ZNF169: variants seen among roughly 807,000 people sequenced by gnomAD.
ZNF169 encodes the protein zinc finger protein 169.
ZNF169 carries 11 observed loss-of-function variants against 12.0 expected under a neutral mutation model. The ratio of observed to expected loss-of-function variants is 0.92; its 90% confidence interval spans 0.58 to 1.52. The LOEUF is 1.52. Among genes scored for constraint, ZNF169 ranks in the 40% most tolerant of loss-of-function variants. The probability of loss-of-function intolerance (pLI) is 0.00; values close to 1 mark genes in which losing one functional copy is unlikely to be tolerated. For synonymous variants in ZNF169, 302 were observed against 286.5 expected, an observed-to-expected ratio of 1.05 and a Z score of -0.55; for missense variants, 722 against 744.0, an observed-to-expected ratio of 0.97 and a Z score of 0.34.
At chr9:94,266,678 G>A (rs548367418) in intron 1 of ZNF169, among the ~76,000 whole-genome samples, 17 of 152,268 alleles carry the variant, frequency 1.1e-4, no homozygotes, top group African/African-American at 3.6e-4. Context: ...TTGGAGACCT[G>A]TAGACAGAAA....
At chr9:94,288,895 AAAG>A (rs1830772222) in intron 2 of ZNF169, among the ~76,000 whole-genome samples, 2 of 152,306 alleles carry the variant, frequency 1.3e-5, no homozygotes, top group Admixed American at 1.3e-4. Context: ...ATCAGGAAGA[AAAG>A]AAGAACATGG....
At position 94,292,454 on chromosome 9, in the gene ZNF169, T is replaced by A; in HGVS notation, c.147T>A (p.His49Gln). ...YREVMLENYS[H>Q]LVSLGIAFSK... Reference sequence around the variant, plus strand: ...AGGTGATGCTGGAGAACTACAGCCATCTGGTCTCCCTGGGTAAGGCTGGCC... The same window carrying A: ...AGGTGATGCTGGAGAACTACAGCCAACTGGTCTCCCTGGGTAAGGCTGGCC... The change falls in exon 3 of 5, where the codon CAT (histidine) becomes CAA (glutamine). Residue 49 changes from histidine to glutamine, a missense_variant. By Grantham distance (24) the His-to-Gln change is conservative. Transcript: ENST00000395395. The A allele has an allele frequency of 6.2e-7, 1 of 1,613,942 alleles. No homozygotes were observed. The highest frequency in any genetic ancestry group is 8.5e-7 in the Non-Finnish European group (1 of 1,179,896).
chr9:94,287,707 G>A (rs1270848736), intron 2 of ZNF169: 2 of 1,237,960 alleles, frequency 1.6e-6, no homozygotes, highest in East Asian at 4.7e-5. Context: ...ATTTATGCTT[G>A]AAATTCTAGT....
chr9:94,264,546 T>A (rs1830258110), intron 1 of ZNF169, among the ~76,000 whole-genome samples: 1 of 152,228 alleles, frequency 6.6e-6, no homozygotes, highest in African/African-American at 2.4e-5. Context: ...CAAGGTTCCA[T>A]TTGGCATAAT....
chr9:94,260,486 G>C (rs201377524), intron 1 of ZNF169, among the ~76,000 whole-genome samples: 5 of 75,500 alleles, frequency 6.6e-5, no homozygotes, highest in Non-Finnish European at 1.1e-4. Context: ...TTGATAGTGG[G>C]GGGGGGGACG....
intron 2 of ZNF169, among the ~76,000 whole-genome samples, chr9:94,282,469 G>C (rs1180337678): frequency 6.6e-6 from 1 of 152,188 alleles, no homozygotes; most frequent in African/African-American, 2.4e-5. Context: ...TTGAACAAGA[G>C]GGGTTCCAGG....
At position 94,287,879 on chromosome 9, in the gene ZNF169, C is replaced by G. The variant is rs558820091; in HGVS notation, c.34-4462C>G. 2.5e-5 allele frequency: 25 copies of G among 993,208 alleles called. No individual in the cohort carries two copies. In the South Asian group the frequency reaches 3.2e-4, roughly 13 times the overall value. 61.5% of individuals were successfully genotyped at this position (993,208 alleles called of 1,614,324 possible). Reference sequence around the variant, plus strand: ...AGTAGGCGTCAGGGTCGATCTGATACTTGGCTGCTATTCCGAAGCTAGTGT... The same window carrying G: ...AGTAGGCGTCAGGGTCGATCTGATAGTTGGCTGCTATTCCGAAGCTAGTGT... On this transcript the variant is annotated intron_variant, in intron 2 of 4. Transcript: ENST00000395395.
intron 3 of ZNF169, 138 bp downstream of exon 3, chr9:94,292,605 A>AGT: frequency 1.5e-6 from 1 of 661,336 alleles, no homozygotes; most frequent in South Asian, 2.2e-5. Flanking sequence ...TTCACAGTGC[A>AGT]GTTGTGTGTG....
At chr9:94,273,703 C>A (rs1298730785) in intron 1 of ZNF169, among the ~76,000 whole-genome samples, 1 of 151,674 alleles carries the variant, frequency 6.6e-6, no homozygotes. Flanking sequence ...CCTCAGCCTC[C>A]CGAGTAGCTG....
At chr9:94,292,565 T>C in intron 3 of ZNF169, 98 bp downstream of exon 3, 1 of 1,492,434 alleles carries the variant, frequency 6.7e-7, no homozygotes, top group South Asian at 1.3e-5. Context: ...AAACAGTTTT[T>C]TCCCCTATTC....
intron 1 of ZNF169, among the ~76,000 whole-genome samples, chr9:94,273,535 T>G (rs1431221887): frequency 6.6e-6 from 1 of 151,426 alleles, no homozygotes; most frequent in Non-Finnish European, 1.5e-5. Flanking sequence ...TTAAAACTTC[T>G]TTTTTTAAAG....
chr9:94,263,520 C>CTT (rs34318453), intron 1 of ZNF169, among the ~76,000 whole-genome samples: 1 of 145,718 alleles, frequency 6.9e-6, no homozygotes, highest in Admixed American at 6.8e-5. Flanking sequence ...TTAGGTCTTG[C>CTT]TTTTTTTTTT....
intron 1 of ZNF169, among the ~76,000 whole-genome samples, chr9:94,275,609 A>G (rs954382817): frequency 4.0e-5 from 6 of 151,812 alleles, no homozygotes; most frequent in African/African-American, 1.5e-4. Context: ...TCTTTCTCCT[A>G]TTCTGTCATT....
chr9:94,300,782 G>A lies in ZNF169; in HGVS notation c.1224G>A (p.Gly408=). Residue 408 remains glycine (G), a synonymous_variant, in exon 5 of 5, where the codon GGG becomes GGA. Coordinates refer to ENST00000395395, the MANE Select transcript of ZNF169 (RefSeq NM_194320.4). ...GEKPYVCAEC[G]HSFRQKVTLI... is the part of the protein sequence containing the mutation. Reference sequence around the variant, plus strand: ...AGCCTTATGTCTGTGCTGAGTGTGGGCACAGCTTTCGCCAAAAGGTCACTC... The same window carrying A: ...AGCCTTATGTCTGTGCTGAGTGTGGACACAGCTTTCGCCAAAAGGTCACTC... The A allele has an allele frequency of 6.2e-7, 1 of 1,613,992 alleles. No homozygotes were observed. Among genetic ancestry groups the A allele is most frequent in the Non-Finnish European group, 8.5e-7 (1 of 1,179,992 alleles).
At chr9:94,260,868 T>G in intron 1 of ZNF169, among the ~76,000 whole-genome samples, 1 of 126,872 alleles carries the variant, frequency 7.9e-6, no homozygotes, top group Non-Finnish European at 1.6e-5. Context: ...TCGCCCAGGC[T>G]GGAGTGCAGT....
At chr9:94,283,847 T>C (rs1208610509) in intron 2 of ZNF169, among the ~76,000 whole-genome samples, 1 of 151,738 alleles carries the variant, frequency 6.6e-6, no homozygotes, top group African/African-American at 2.4e-5. Flanking sequence ...GACTGGTGGA[T>C]CACCTGAGGT....
At chr9:94,273,875 G>A (rs1198106310) in intron 1 of ZNF169, among the ~76,000 whole-genome samples, 1 of 152,078 alleles carries the variant, frequency 6.6e-6, no homozygotes, top group Admixed American at 6.6e-5. Flanking sequence ...CACTGCGCCC[G>A]GCCAAAAGCT....
rs554276062 is a variant in ZNF169 at position 94,297,519 on chromosome 9, C to T, written c.257-2296C>T. On this transcript the variant is annotated intron_variant, in intron 4 of 4. Coordinates refer to ENST00000395395, the MANE Select transcript of ZNF169 (RefSeq NM_194320.4). ...CACTGGAATATTTTAATATGAAGGA[C>T]CTTCTCTGTATTCCAGATGGAATGT... Among the ~76,000 whole-genome samples, 6 of 152,206 alleles carry T rather than the reference C, an allele frequency of 3.9e-5. No individual in the cohort carries two copies. The South Asian group carries it at 8.3e-4, about 21-fold the overall frequency.
intron 1 of ZNF169, among the ~76,000 whole-genome samples, chr9:94,270,889 ATATATAATAAT>A (rs1830403238): frequency 5.2e-5 from 1 of 19,176 alleles, no homozygotes; most frequent in African/African-American, 2.4e-4. Context: ...TTATATAAAT[ATATATAATAAT>A]ATATATATTA....
Sources: allele counts gnomAD v4.1 joint callset (sites outside exome capture counted in the v4.1 genomes callset), GRCh38; gene constraint gnomAD v4.1.1; transcripts MANE v1.5; gene names NCBI Gene and HGNC (gene_info 2026-07-23, HGNC 2026-07-21).